Variants in MACROD2 observed in about 807,000 individuals in gnomAD.
MACROD2 encodes the protein ADP-ribose glycohydrolase MACROD2.
Under a neutral mutation model 70.4 loss-of-function variants are expected in MACROD2, and 36 were observed. The ratio of observed to expected loss-of-function variants is 0.51; its 90% CI spans 0.39 to 0.68. The LOEUF (loss-of-function observed/expected upper bound fraction) is 0.68. Ranked by LOEUF, MACROD2 falls within the 30% of genes least tolerant of loss-of-function variation. The probability of loss-of-function intolerance (pLI) is 0.00; values close to 1 mark genes in which losing one functional copy is unlikely to be tolerated. For synonymous variants in MACROD2, 172 were observed against 178.8 expected (o/e 0.96, Z 0.30); for missense variants, 496 against 538.4 (o/e 0.92, Z 0.78).
At chr20:14,559,799 G>T (rs1979304394) in intron 4 of MACROD2, among the ~76,000 whole-genome samples, 1 of 151,730 alleles carries the variant, frequency 6.6e-6, no homozygotes, top group Non-Finnish European at 1.5e-5. Flanking sequence ...AATCATGCAT[G>T]ACTTGTACAT....
chr20:14,748,418 C>G (rs1170346711), intron 5 of MACROD2, among the ~76,000 whole-genome samples: 1 of 152,112 alleles, frequency 6.6e-6, no homozygotes, highest in African/African-American at 2.4e-5. Context: ...GTATCCAGTG[C>G]CTAGTTCAGT....
At chr20:15,891,994 A>C (rs900946104) in intron 10 of MACROD2, among the ~76,000 whole-genome samples, 1 of 152,100 alleles carries the variant, frequency 6.6e-6, no homozygotes, top group African/African-American at 2.4e-5. Context: ...GAGAAGGCCA[A>C]CTCTAAGATC....
chr20:15,505,850 G>A (rs981616577), intron 8 of MACROD2, among the ~76,000 whole-genome samples: 1 of 152,120 alleles, frequency 6.6e-6, no homozygotes, highest in Non-Finnish European at 1.5e-5. Flanking sequence ...CGCGTACAAG[G>A]TTTGGGTCTT....
intron 5 of MACROD2, among the ~76,000 whole-genome samples, chr20:14,938,518 C>A (rs977848153): frequency 6.6e-6 from 1 of 152,106 alleles, no homozygotes; most frequent in African/African-American, 2.4e-5. Context: ...CAGTGGCTCA[C>A]ACCTGTAATT....
At chr20:15,816,537 C>G (rs1209702622) in intron 8 of MACROD2, among the ~76,000 whole-genome samples, 1 of 152,164 alleles carries the variant, frequency 6.6e-6, no homozygotes, top group Non-Finnish European at 1.5e-5. Flanking sequence ...AGTCACTAAG[C>G]TAAACTCATT....
At chr20:15,234,013 T>TATATATA (rs1568657569) in intron 6 of MACROD2, among the ~76,000 whole-genome samples, 4 of 8,676 alleles carry the variant, frequency 4.6e-4, no homozygotes, top group African/African-American at 7.4e-4. Flanking sequence ...ATATATATTC[T>TATATATA]TTTTTTTTTT....
At chr20:14,340,533 A>ACAGT (rs1192279411) in intron 3 of MACROD2, among the ~76,000 whole-genome samples, 1 of 134,472 alleles carries the variant, frequency 7.4e-6, no homozygotes, top group Non-Finnish European at 1.6e-5. Context: ...AAGTAATTTT[A>ACAGT]CAGTCAGTAA....
chr20:16,021,404 C>T lies in MACROD2; in HGVS notation c.1154-19797C>T, dbSNP rs536932042. On this transcript the variant is annotated intron_variant, in intron 15 of 17. Coordinates refer to ENST00000684519, the MANE Select transcript of MACROD2 (RefSeq NM_001351661.2). ...AGGGCTCACTGAGGAATAAGACATGCGGAAGTTGAATGAAGCAGCAGAGTT... is the reference window on the plus strand; with the variant it reads ...AGGGCTCACTGAGGAATAAGACATGTGGAAGTTGAATGAAGCAGCAGAGTT... 1.3e-4 allele frequency among the ~76,000 whole-genome samples: 20 copies of T among 152,248 alleles called. 1 individual carries two copies. In the South Asian group the frequency reaches 2.3e-3, roughly 17 times the overall value.
At chr20:15,135,209 T>C (rs981984662) in intron 5 of MACROD2, among the ~76,000 whole-genome samples, 97 of 151,016 alleles carry the variant, frequency 6.4e-4, no homozygotes, top group African/African-American at 2.3e-3. Flanking sequence ...CCCTAACTCA[T>C]TTTATGAGGC....
chr20:15,504,342 G>C (rs1358009287), intron 8 of MACROD2, among the ~76,000 whole-genome samples: 1 of 152,166 alleles, frequency 6.6e-6, no homozygotes, highest in Admixed American at 6.5e-5. Flanking sequence ...GGCAGCTCTA[G>C]CAGAAGAGCT....
intron 5 of MACROD2, among the ~76,000 whole-genome samples, chr20:15,113,763 A>AGTGTGTGTGT (rs71340210): frequency 0.036 from 5,123 of 144,184 alleles, 114 homozygotes; most frequent in Middle Eastern, 0.11. Flanking sequence ...GTAGTCTTGA[A>AGTGTGTGTGT]GTGTGTGTGT....
chr20:14,171,356 T>C (rs1262633356), intron 3 of MACROD2, among the ~76,000 whole-genome samples: 2 of 152,228 alleles, frequency 1.3e-5, no homozygotes, highest in Non-Finnish European at 2.9e-5. Context: ...TCTGCTCTGA[T>C]ATTTGTTATT....
Position 14,510,192 on chromosome 20 carries a change from A to G in MACROD2, c.301+16684A>G, listed in dbSNP as rs148646214. Among the ~76,000 whole-genome samples, 33 of 152,130 alleles carry G rather than the reference A, an allele frequency of 2.2e-4. 1 individual carries two copies. Among genetic ancestry groups the G allele is most frequent in the Admixed American group, 1.9e-3 (29 of 15,258 alleles). ...TATGGCAGCGTTTGGAACTAGCTCA[A>G]GGTTTACATTTGATCAGGATATGTG... On this transcript the variant is annotated intron_variant, in intron 4 of 17. Transcript: ENST00000684519.
chr20:14,033,264 ATTCT>A (rs1284080200), intron 2 of MACROD2, among the ~76,000 whole-genome samples: 2 of 151,714 alleles, frequency 1.3e-5, no homozygotes, highest in South Asian at 2.1e-4. Context: ...CTTTTTCTAG[ATTCT>A]TTATTTCATT....
At chr20:14,240,303 A>G (rs372569100) in intron 3 of MACROD2, among the ~76,000 whole-genome samples, 51 of 152,380 alleles carry the variant, frequency 3.3e-4, no homozygotes, top group African/African-American at 1.2e-3. Context: ...AACTTAAAAC[A>G]GAACTATGAT....
At chr20:14,427,391 C>A (rs2083945458) in intron 3 of MACROD2, among the ~76,000 whole-genome samples, 1 of 151,656 alleles carries the variant, frequency 6.6e-6, no homozygotes, top group Non-Finnish European at 1.5e-5. Context: ...TTTTCTAGTT[C>A]CATGGTCTTC....
intron 15 of MACROD2, among the ~76,000 whole-genome samples, chr20:16,030,486 G>C (rs547944210): frequency 6.6e-6 from 1 of 152,278 alleles, no homozygotes; most frequent in Admixed American, 6.5e-5. Context: ...GGAAGGAAGA[G>C]AGCAAGTGAG....
chr20:15,185,885 C>T (rs767279139), intron 5 of MACROD2, among the ~76,000 whole-genome samples: 70 of 152,206 alleles, frequency 4.6e-4, no homozygotes, highest in African/African-American at 1.3e-3. Context: ...AAACTCCTGT[C>T]GGGAATTTGG....
intron 5 of MACROD2, chr20:14,888,550 C>T (rs1338917483): frequency 6.6e-6 from 1 of 152,170 alleles, no homozygotes; most frequent in Non-Finnish European, 1.5e-5. Context: ...TGATGCCCCT[C>T]TGTTGTAACT....
Sources: gnomAD v4.1 joint callset for allele counts (sites outside exome capture counted in the v4.1 genomes callset) on GRCh38, gnomAD v4.1.1 for gene constraint, MANE v1.5 for transcripts, NCBI Gene and HGNC (gene_info 2026-07-23, HGNC 2026-07-21) for gene names.